Variants in PLCG2 observed in about 807,000 individuals in gnomAD.
PLCG2 encodes the protein phospholipase C gamma 2.
Under a neutral mutation model 175.6 loss-of-function variants are expected in PLCG2, and 69 were observed. The ratio of observed to expected loss-of-function variants is 0.39; its 90% CI spans 0.32 to 0.48. The LOEUF (loss-of-function observed/expected upper bound fraction) is 0.48. Ranked by LOEUF, PLCG2 falls within the 20% of genes least tolerant of loss-of-function variation. The pLI is 0.91. For synonymous variants in PLCG2, 827 were observed against 624.0 expected (o/e 1.33, Z -4.85); for missense variants, 1,798 against 1,650.9 (o/e 1.09, Z -1.54).
At chr16:81,788,334 G>A (rs1468635901) in intron 2 of PLCG2, among the ~76,000 whole-genome samples, 1 of 152,144 alleles carries the variant, frequency 6.6e-6, no homozygotes, top group African/African-American at 2.4e-5. Flanking sequence ...AGGCTGGAGT[G>A]CAGTAGTACA....
chr16:81,877,130 G>A (rs1357625112), intron 7 of PLCG2, among the ~76,000 whole-genome samples: 1 of 152,212 alleles, frequency 6.6e-6, no homozygotes, highest in East Asian at 1.9e-4. Context: ...TCCTGGGGCC[G>A]CTGTGGCAAG....
chr16:81,807,103 T>C (rs1460863589), intron 2 of PLCG2, among the ~76,000 whole-genome samples: 1 of 152,212 alleles, frequency 6.6e-6, no homozygotes, highest in Non-Finnish European at 1.5e-5. Flanking sequence ...GTCTGTTCAA[T>C]GCATTTCCTT....
upstream of PLCG2, among the ~76,000 whole-genome samples, chr16:81,774,557 G>A (rs955365559): frequency 6.6e-6 from 1 of 152,130 alleles, no homozygotes; most frequent in South Asian, 2.1e-4. Flanking sequence ...TCTGAACAAT[G>A]TTGGGAAAGG....
At chr16:81,852,253 T>C (rs11642172) in intron 2 of PLCG2, 50,607 of 152,036 alleles carry the variant, frequency 0.33, 9,112 homozygotes, top group East Asian at 0.57. Flanking sequence ...CCTGGCCAAA[T>C]AAGTCCCAGG....
chr16:81,940,266 C>CA (rs1370909389), intron 30 of PLCG2, among the ~76,000 whole-genome samples: 4 of 152,158 alleles, frequency 2.6e-5, no homozygotes, highest in Non-Finnish European at 4.4e-5. Flanking sequence ...CTATGCCCCT[C>CA]AAAGTGGGAT....
intron 7 of PLCG2, among the ~76,000 whole-genome samples, chr16:81,876,462 C>T (rs569939287): frequency 6.6e-6 from 1 of 152,160 alleles, no homozygotes; most frequent in African/African-American, 2.4e-5. Flanking sequence ...AACTCCATTC[C>T]TTTCCCTCCC....
At chr16:81,935,504 T>A (rs1910670620) in intron 26 of PLCG2, 1 of 984,746 alleles carries the variant, frequency 1.0e-6, no homozygotes, top group Admixed American at 6.2e-5. Context: ...TTTCTTTGGG[T>A]GTTTTGAGCT....
chr16:81,850,392 C>G (rs1906345721), intron 2 of PLCG2, among the ~76,000 whole-genome samples: 1 of 152,132 alleles, frequency 6.6e-6, no homozygotes, highest in Non-Finnish European at 1.5e-5. Flanking sequence ...CGAAAAGGAT[C>G]TTTCTGTTTG....
At chr16:81,778,028 A>AAAAAAAAAAACAAAAAAAAC (rs1910495614), upstream of PLCG2, among the ~76,000 whole-genome samples, 1 of 63,658 alleles carries the variant, frequency 1.6e-5, no homozygotes, top group African/African-American at 8.2e-5. Flanking sequence ...AAAAAAAAAA[A>AAAAAAAAAAACAAAAAAAAC]AAACAAAAAA....
At chr16:81,788,822 A>T (rs1416467157) in intron 2 of PLCG2, among the ~76,000 whole-genome samples, 3 of 152,064 alleles carry the variant, frequency 2.0e-5, no homozygotes, top group Non-Finnish European at 1.5e-5. Flanking sequence ...TTCCCTCTTG[A>T]CTGTTTGCAT....
chr16:81,912,213 G>A lies in PLCG2; in HGVS notation c.1935-384G>A, dbSNP rs376688438. ...CTCCCAAAGTGCTGGGATTACAGGC[G>A]TGAGCCACTGTGCCCAGGCTATTTT... On this transcript the variant is annotated intron_variant, in intron 18 of 32. Transcript: ENST00000564138. 5.9e-5 allele frequency among the ~76,000 whole-genome samples: 9 copies of A among 152,162 alleles called. No homozygotes were observed. In the East Asian group the frequency reaches 7.7e-4, roughly 13 times the overall value.
intron 2 of PLCG2, among the ~76,000 whole-genome samples, chr16:81,820,902 C>T (rs1346504705): frequency 6.6e-6 from 1 of 151,406 alleles, no homozygotes; most frequent in Non-Finnish European, 1.5e-5. Flanking sequence ...ATTACAGGTG[C>T]ACACCATCAT....
chr16:81,846,786 C>G (rs1427116312), intron 2 of PLCG2, among the ~76,000 whole-genome samples: 2 of 152,162 alleles, frequency 1.3e-5, no homozygotes, highest in Non-Finnish European at 2.9e-5. Flanking sequence ...ACATTCAATA[C>G]AGCACGAAAC....
At chr16:81,912,777 G>C (rs1300393292) in intron 19 of PLCG2, 61 bp downstream of exon 19, 2 of 1,499,026 alleles carry the variant, frequency 1.3e-6, no homozygotes, top group African/African-American at 2.8e-5. Flanking sequence ...CAGATGCGGA[G>C]AGACAAGGGG....
chr16:81,758,072 C>A (rs1405709413), intron 2 of PLCG2, among the ~76,000 whole-genome samples: 1 of 152,176 alleles, frequency 6.6e-6, no homozygotes, highest in Non-Finnish European at 1.5e-5. Flanking sequence ...ACCTCACGGG[C>A]TCAAGCGATC....
At position 81,833,571 on chromosome 16, in the gene PLCG2, C is replaced by A. The variant is rs1384185998; in HGVS notation, c.194-20873C>A. Among the ~76,000 whole-genome samples, 7 of 151,370 alleles carry A rather than the reference C, an allele frequency of 4.6e-5. No individual in the cohort carries two copies. In the South Asian group the frequency reaches 1.0e-3, roughly 23 times the overall value. On this transcript the variant is annotated intron_variant, in intron 2 of 32. Coordinates refer to ENST00000564138, the MANE Select transcript of PLCG2 (RefSeq NM_002661.5). ...TTGAGTCAGGATTTCACTCTGTCACCCAGGCTGGAGTGCGGTGGTGTGATC... is the reference window on the plus strand; with the variant it reads ...TTGAGTCAGGATTTCACTCTGTCACACAGGCTGGAGTGCGGTGGTGTGATC...
intron 2 of PLCG2, among the ~76,000 whole-genome samples, chr16:81,788,495 T>TG (rs1473567242): frequency 1.3e-5 from 2 of 152,082 alleles, no homozygotes; most frequent in Non-Finnish European, 2.9e-5. Context: ...TTAGGCAGGA[T>TG]GGGGGTATGG....
intron 2 of PLCG2, among the ~76,000 whole-genome samples, chr16:81,847,119 C>T (rs983028442): frequency 6.6e-6 from 1 of 152,196 alleles, no homozygotes; most frequent in East Asian, 1.9e-4. Flanking sequence ...CAATAACCCA[C>T]TCCTTGGATT....
At chr16:81,781,104 T>C (rs1910711229) in intron 1 of PLCG2, among the ~76,000 whole-genome samples, 1 of 152,190 alleles carries the variant, frequency 6.6e-6, no homozygotes, top group African/African-American at 2.4e-5. Context: ...GAGAAAAATT[T>C]GCCCGTTACA....
Sources: allele counts gnomAD v4.1 joint callset (sites outside exome capture counted in the v4.1 genomes callset), GRCh38; gene constraint gnomAD v4.1.1; transcripts MANE v1.5; gene names NCBI Gene and HGNC (gene_info 2026-07-23, HGNC 2026-07-21).